The following SLC4A4 variants were observed in gnomAD, a reference collection of about 807,000 sequenced individuals.
SLC4A4 encodes the protein solute carrier family 4 member 4.
In SLC4A4, 27 loss-of-function variants were observed where a neutral mutation model predicts 111.5. That is an observed-to-expected ratio of 0.24 (90% CI 0.18 to 0.33). The LOEUF (loss-of-function observed/expected upper bound fraction) is 0.33. SLC4A4 is among the 10% of genes least tolerant of loss of function. The pLI is 1.00. For missense variants in SLC4A4, 909 were observed against 1,315.5 expected (o/e 0.69, Z 4.78); for synonymous variants, 443 against 463.4 (o/e 0.96, Z 0.57).
chr4:71,082,811 C>A (rs1163384505), intron 1 of SLC4A4, among the ~76,000 whole-genome samples: 1 of 151,712 alleles, frequency 6.6e-6, no homozygotes, highest in East Asian at 1.9e-4. Context: ...TAGAAATAAT[C>A]ATTCATTCCT....
chr4:71,376,483 A>AT (rs1385150073), intron 6 of SLC4A4, among the ~76,000 whole-genome samples: 2 of 151,194 alleles, frequency 1.3e-5, no homozygotes, highest in African/African-American at 4.9e-5. Context: ...GATTACAGGC[A>AT]TAAGCCACTG....
At chr4:71,279,007 A>G (rs1723291000) in intron 3 of SLC4A4, among the ~76,000 whole-genome samples, 1 of 152,202 alleles carries the variant, frequency 6.6e-6, no homozygotes, top group African/African-American at 2.4e-5. Flanking sequence ...TGATTAATGT[A>G]TATACCGTGA....
intron 2 of SLC4A4, among the ~76,000 whole-genome samples, chr4:71,098,780 C>G (rs1742632814): frequency 2.0e-5 from 3 of 151,952 alleles, no homozygotes; most frequent in African/African-American, 7.2e-5. Flanking sequence ...ATCTACCAAG[C>G]AAATCAAAAT....
chr4:71,400,413 A>G (rs942179087), intron 7 of SLC4A4, among the ~76,000 whole-genome samples: 1 of 152,194 alleles, frequency 6.6e-6, no homozygotes, highest in Non-Finnish European at 1.5e-5. Flanking sequence ...TATCACTAGC[A>G]TCTCATAGTC....
intron 23 of SLC4A4, among the ~76,000 whole-genome samples, chr4:71,562,860 A>C (rs1337013710): frequency 3.3e-5 from 5 of 151,614 alleles, no homozygotes; most frequent in Admixed American, 3.3e-4. Flanking sequence ...TAACCTCTTT[A>C]GAGTCATAAA....
intron 1 of SLC4A4, among the ~76,000 whole-genome samples, chr4:71,226,568 T>G (rs1719062571): frequency 6.6e-6 from 1 of 152,170 alleles, no homozygotes; most frequent in South Asian, 2.1e-4. Flanking sequence ...GTTAAAAATA[T>G]GCTTGAAAAA....
intron 3 of SLC4A4, among the ~76,000 whole-genome samples, chr4:71,324,416 T>A (rs556039398): frequency 6.6e-6 from 1 of 151,968 alleles, no homozygotes; most frequent in Non-Finnish European, 1.5e-5. Flanking sequence ...ATAATTGGGA[T>A]AATTAATAAA....
At chr4:71,306,871 T>C (rs1725732748) in intron 3 of SLC4A4, among the ~76,000 whole-genome samples, 1 of 152,160 alleles carries the variant, frequency 6.6e-6, no homozygotes, top group South Asian at 2.1e-4. Context: ...TGCTCTTGCT[T>C]TAAAGAATGG....
At chr4:71,541,267 TAA>T (rs1324287737) in intron 18 of SLC4A4, among the ~76,000 whole-genome samples, 1 of 152,130 alleles carries the variant, frequency 6.6e-6, no homozygotes, top group Non-Finnish European at 1.5e-5. Flanking sequence ...TTTCGATTTT[TAA>T]AAAAGATTCA....
chr4:71,146,685 C>G (rs191618683), intron 2 of SLC4A4, among the ~76,000 whole-genome samples: 1 of 152,118 alleles, frequency 6.6e-6, no homozygotes, highest in Admixed American at 6.6e-5. Context: ...TTGAATTGAT[C>G]CCTTTACCAT....
chr4:71,098,880 G>A (rs780890340), intron 2 of SLC4A4, among the ~76,000 whole-genome samples: 13 of 152,102 alleles, frequency 8.5e-5, no homozygotes, highest in Non-Finnish European at 1.9e-4. Context: ...TTACATAATG[G>A]TAAAGGGTAA....
chr4:71,402,321 G>A (rs1720444349), intron 7 of SLC4A4, among the ~76,000 whole-genome samples: 1 of 152,144 alleles, frequency 6.6e-6, no homozygotes, highest in Non-Finnish European at 1.5e-5. Context: ...AGTCCACTGA[G>A]ATGACTTTTT....
intron 2 of SLC4A4, among the ~76,000 whole-genome samples, chr4:71,121,281 C>T (rs1362855294): frequency 6.6e-6 from 1 of 152,000 alleles, no homozygotes; most frequent in African/African-American, 2.4e-5. Context: ...CTGCCCCCTG[C>T]TCCGTGGCGC....
intron 13 of SLC4A4, among the ~76,000 whole-genome samples, chr4:71,470,090 T>C (rs1727724387): frequency 6.6e-6 from 1 of 152,064 alleles, no homozygotes; most frequent in Non-Finnish European, 1.5e-5. Context: ...AAGGAAAAAG[T>C]ATGTTGTCTC....
intron 9 of SLC4A4, among the ~76,000 whole-genome samples, chr4:71,448,089 G>A (rs1725398446): frequency 6.6e-6 from 1 of 152,094 alleles, no homozygotes; most frequent in Non-Finnish European, 1.5e-5. Context: ...AGAGGTCGAG[G>A]TGGGCAGATC....
chr4:71,273,823 A>G (rs969977978), intron 3 of SLC4A4, among the ~76,000 whole-genome samples: 1 of 152,194 alleles, frequency 6.6e-6, no homozygotes, highest in Non-Finnish European at 1.5e-5. Context: ...ATGCCCTTGA[A>G]CCAGTTAACT....
At chr4:71,134,597 C>G (rs1253786067) in intron 2 of SLC4A4, among the ~76,000 whole-genome samples, 1 of 152,230 alleles carries the variant, frequency 6.6e-6, no homozygotes. Flanking sequence ...GCTTTTCTAG[C>G]CTTTCAATAT....
At chr4:71,405,951 A>ACTTGGCCACCTGTCTGTTTCTT (rs6148510) in intron 7 of SLC4A4, among the ~76,000 whole-genome samples, 30,127 of 151,870 alleles carry the variant, frequency 0.2, 3,315 homozygotes, top group South Asian at 0.42. Flanking sequence ...GTGGCCATAT[A>ACTTGGCCACCTGTCTGTTTCTT]CTTGCTTTGA....
chr4:71,445,309 G>A (rs749197658), intron 8 of SLC4A4, among the ~76,000 whole-genome samples: 3 of 152,114 alleles, frequency 2.0e-5, no homozygotes, highest in Non-Finnish European at 4.4e-5. Flanking sequence ...GACTATTAAT[G>A]ACTGAGAATG....
Sources: allele counts gnomAD v4.1 joint callset (sites outside exome capture counted in the v4.1 genomes callset), GRCh38; gene constraint gnomAD v4.1.1; transcripts MANE v1.5; gene names NCBI Gene and HGNC (gene_info 2026-07-23, HGNC 2026-07-21).